Variants in QKI observed in about 807,000 individuals in gnomAD.
QKI encodes QKI, KH domain containing RNA binding.
Under a neutral mutation model 39.0 loss-of-function variants are expected in QKI, and 10 were observed. That is an observed-to-expected ratio of 0.26 (90% CI 0.16 to 0.43). The LOEUF is 0.43. QKI is among the 20% of genes least tolerant of loss of function. The probability of loss-of-function intolerance (pLI) is 1.00; values close to 1 mark genes in which losing one functional copy is unlikely to be tolerated. For synonymous variants in QKI, 204 were observed against 155.4 expected (o/e 1.31, Z -2.33); for missense variants, 218 against 428.0 (o/e 0.51, Z 4.33).
intron 3 of QKI, among the ~76,000 whole-genome samples, chr6:163,512,398 T>A (rs1779539027): frequency 6.6e-6 from 1 of 152,082 alleles, no homozygotes; most frequent in Non-Finnish European, 1.5e-5. Context: ...ACTTTCTTAT[T>A]TTTTAATATA....
chr6:163,493,949 C>A (rs1778230163), intron 3 of QKI, among the ~76,000 whole-genome samples: 1 of 151,656 alleles, frequency 6.6e-6, no homozygotes, highest in Non-Finnish European at 1.5e-5. Context: ...TCTGTAAACC[C>A]CCACTTTGTA....
At chr6:163,487,344 A>G (rs1777746890) in intron 3 of QKI, among the ~76,000 whole-genome samples, 1 of 152,126 alleles carries the variant, frequency 6.6e-6, no homozygotes, top group African/African-American at 2.4e-5. Context: ...TGCCTCCCAG[A>G]TTATTTTAGA....
intron 1 of QKI, among the ~76,000 whole-genome samples, chr6:163,428,521 TAA>T (rs1306419076): frequency 6.6e-6 from 1 of 152,282 alleles, no homozygotes; most frequent in South Asian, 2.1e-4. Flanking sequence ...ATCATAGTAA[TAA>T]AAAATTATCA....
At chr6:163,463,208 G>C (rs78080967) in intron 2 of QKI, among the ~76,000 whole-genome samples, 4 of 151,980 alleles carry the variant, frequency 2.6e-5, no homozygotes, top group African/African-American at 9.7e-5. Context: ...TTGTTATCAG[G>C]GTATATGTTA....
chr6:163,544,627 A>G (rs1035257081), intron 4 of QKI, among the ~76,000 whole-genome samples: 1 of 152,098 alleles, frequency 6.6e-6, no homozygotes, highest in South Asian at 2.1e-4. Flanking sequence ...CCGAAGTACA[A>G]TTTAAGCCAA....
At chr6:163,531,171 A>G (rs946833731) in intron 3 of QKI, among the ~76,000 whole-genome samples, 1 of 152,128 alleles carries the variant, frequency 6.6e-6, no homozygotes, top group Non-Finnish European at 1.5e-5. Context: ...TTCTTGTTTC[A>G]GCATTGTAGC....
chr6:163,564,086 A>G, intron 6 of QKI: 6 of 1,067,232 alleles, frequency 5.6e-6, no homozygotes, highest in South Asian at 3.9e-5. Context: ...GATTTATTTT[A>G]TCTCACAGGT....
chr6:163,519,673 CTA>C (rs1395237234), intron 3 of QKI, among the ~76,000 whole-genome samples: 16 of 151,718 alleles, frequency 1.1e-4, no homozygotes, highest in African/African-American at 3.9e-4. Flanking sequence ...CCTGAGGTGT[CTA>C]TGGTCGTTTT....
At chr6:163,516,292 A>T (rs557559306) in intron 3 of QKI, among the ~76,000 whole-genome samples, 1 of 152,000 alleles carries the variant, frequency 6.6e-6, no homozygotes, top group East Asian at 1.9e-4. Flanking sequence ...TCTAAAGCTT[A>T]TTTTATTTAT....
At chr6:163,457,830 A>G (rs1252931507) in intron 2 of QKI, among the ~76,000 whole-genome samples, 3 of 152,156 alleles carry the variant, frequency 2.0e-5, no homozygotes, top group African/African-American at 7.2e-5. Flanking sequence ...AAATGAATCT[A>G]TAGCTGTAAT....
rs574462422 is a variant in QKI, at chr6:163,424,345, C to T, written c.142+9010C>T. Among the ~76,000 whole-genome samples, 14 of 152,286 alleles carry T rather than the reference C, an allele frequency of 9.2e-5. No homozygotes were observed. The South Asian group carries it at 2.5e-3, about 27-fold the overall frequency. On this transcript the variant is annotated intron_variant, in intron 1 of 7. Coordinates refer to ENST00000361752, the MANE Select transcript of QKI (RefSeq NM_006775.3). ...CTCTGTATGTGTGTGCCTGCACATG[C>T]GTGAGCCAGCATAAAGATGAAATGA...
At chr6:163,447,622 T>C in intron 1 of QKI, among the ~76,000 whole-genome samples, 1 of 152,226 alleles carries the variant, frequency 6.6e-6, no homozygotes, top group Admixed American at 6.5e-5. Flanking sequence ...GTTAATTCTT[T>C]AATCACTGAG....
intron 1 of QKI, among the ~76,000 whole-genome samples, chr6:163,416,950 G>T (rs1269679622): frequency 6.6e-6 from 1 of 151,728 alleles, no homozygotes; most frequent in Non-Finnish European, 1.5e-5. Context: ...CTCTTAAATT[G>T]AGTATTTCCA....
chr6:163,530,868 C>G (rs888856196), intron 3 of QKI, among the ~76,000 whole-genome samples: 2 of 152,188 alleles, frequency 1.3e-5, no homozygotes, highest in African/African-American at 4.8e-5. Flanking sequence ...TCCTTTTCAT[C>G]TGGAACCTCA....
At chr6:163,492,230 A>T (rs1331891393) in intron 3 of QKI, among the ~76,000 whole-genome samples, 2 of 152,198 alleles carry the variant, frequency 1.3e-5, no homozygotes, top group African/African-American at 4.8e-5. Flanking sequence ...CCGTTTCATA[A>T]GCCTAGGGAG....
At chr6:163,493,307 T>G (rs540147299) in intron 3 of QKI, among the ~76,000 whole-genome samples, 50 of 152,220 alleles carry the variant, frequency 3.3e-4, no homozygotes, top group African/African-American at 1.2e-3. Flanking sequence ...ATTTTTTGTA[T>G]TTCTAATAGT....
At chr6:163,499,833 A>T (rs903998467) in intron 3 of QKI, among the ~76,000 whole-genome samples, 3 of 152,210 alleles carry the variant, frequency 2.0e-5, no homozygotes, top group Admixed American at 6.6e-5. Flanking sequence ...CATGGAGCAT[A>T]ATTTAGGAAG....
At chr6:163,472,688 G>A (rs995763339) in intron 2 of QKI, among the ~76,000 whole-genome samples, 1 of 152,152 alleles carries the variant, frequency 6.6e-6, no homozygotes, top group African/African-American at 2.4e-5. Flanking sequence ...TAACATGTTT[G>A]CTGATTACAC....
chr6:163,424,077 G>A (rs1426078903), intron 1 of QKI, among the ~76,000 whole-genome samples: 1 of 152,166 alleles, frequency 6.6e-6, no homozygotes, highest in East Asian at 1.9e-4. Context: ...AGCATCTGGG[G>A]GATGATTGCT....
Sources: gnomAD v4.1 joint callset for allele counts (sites outside exome capture counted in the v4.1 genomes callset) on GRCh38, gnomAD v4.1.1 for gene constraint, MANE v1.5 for transcripts, NCBI Gene and HGNC (gene_info 2026-07-23, HGNC 2026-07-21) for gene names.